NCKAP5: variants seen among roughly 807,000 people sequenced by gnomAD.
NCKAP5 encodes NCK associated protein 5.
In NCKAP5, 92 loss-of-function variants were observed where a neutral mutation model predicts 167.0. That is an observed-to-expected ratio of 0.55 (90% CI 0.47 to 0.66). The LOEUF is 0.66. Among genes scored for constraint, NCKAP5 ranks in the 30% least tolerant of loss-of-function variants. NCKAP5 has a pLI of 0.00. For synonymous variants in NCKAP5, 891 were observed against 877.4 expected (o/e 1.02, Z -0.27); for missense variants, 2,378 against 2,315.0 (o/e 1.03, Z -0.56).
At chr2:133,313,214 C>G (rs1681370539) in intron 3 of NCKAP5, among the ~76,000 whole-genome samples, 1 of 152,150 alleles carries the variant, frequency 6.6e-6, no homozygotes, top group Admixed American at 6.5e-5. Flanking sequence ...TGGGGGGAAT[C>G]TGGCTAGATG....
At chr2:132,887,137 A>C (rs1692290751) in intron 8 of NCKAP5, among the ~76,000 whole-genome samples, 1 of 152,156 alleles carries the variant, frequency 6.6e-6, no homozygotes, top group South Asian at 2.1e-4. Flanking sequence ...AGATATGTAA[A>C]TATCCAGAGT....
At chr2:133,477,900 C>A (rs1057289782) in intron 3 of NCKAP5, among the ~76,000 whole-genome samples, 2 of 152,246 alleles carry the variant, frequency 1.3e-5, no homozygotes, top group Admixed American at 1.3e-4. Context: ...CAATTTAAAA[C>A]CTATGAATTA....
the NCKAP5 span, among the ~76,000 whole-genome samples, chr2:133,671,563 C>A: frequency 6.6e-6 from 1 of 152,068 alleles, no homozygotes; most frequent in Non-Finnish European, 1.5e-5. Context: ...CATGTTCAGG[C>A]CCCTCACTGT....
intron 8 of NCKAP5, among the ~76,000 whole-genome samples, chr2:132,889,193 C>T (rs1429892295): frequency 1.3e-5 from 2 of 152,168 alleles, no homozygotes; most frequent in African/African-American, 2.4e-5. Flanking sequence ...ATCCTTTCAC[C>T]TCCCAACATC....
chr2:133,348,798 T>C (rs1454566431), intron 3 of NCKAP5, among the ~76,000 whole-genome samples: 1 of 152,212 alleles, frequency 6.6e-6, no homozygotes, highest in Non-Finnish European at 1.5e-5. Context: ...TTATCAAGAC[T>C]GTGACCTGCT....
At chr2:133,160,387 A>G (rs2083736734) in intron 5 of NCKAP5, among the ~76,000 whole-genome samples, 1 of 127,974 alleles carries the variant, frequency 7.8e-6, no homozygotes, top group African/African-American at 3.1e-5. Flanking sequence ...CAAAGACTCT[A>G]TTTCCCAATA....
the NCKAP5 span, among the ~76,000 whole-genome samples, chr2:133,643,077 G>A: frequency 2.0e-5 from 3 of 151,544 alleles, no homozygotes; most frequent in East Asian, 3.9e-4. Flanking sequence ...AATTTATTTT[G>A]TTGAAAGGCA....
intron 13 of NCKAP5, among the ~76,000 whole-genome samples, chr2:132,787,221 G>A (rs1164115304): frequency 6.6e-6 from 1 of 152,030 alleles, no homozygotes; most frequent in South Asian, 2.1e-4. Context: ...GTTGGCGGGT[G>A]CCTGTAATCC....
intron 8 of NCKAP5, among the ~76,000 whole-genome samples, chr2:132,957,952 C>T (rs2076391128): frequency 1.3e-5 from 2 of 152,154 alleles, no homozygotes; most frequent in Non-Finnish European, 2.9e-5. Flanking sequence ...TCTCTATACT[C>T]CGCTGAACCT....
At chr2:132,897,806 A>C (rs1693320880) in intron 8 of NCKAP5, among the ~76,000 whole-genome samples, 1 of 152,266 alleles carries the variant, frequency 6.6e-6, no homozygotes, top group Non-Finnish European at 1.5e-5. Flanking sequence ...TACACACCAT[A>C]ATTCAAAAAT....
intron 16 of NCKAP5, among the ~76,000 whole-genome samples, chr2:132,759,434 T>C (rs1164204485): frequency 1.3e-5 from 2 of 152,174 alleles, no homozygotes; most frequent in Non-Finnish European, 2.9e-5. Context: ...CACCTTTGTA[T>C]GTGTACCGAT....
At chr2:133,058,890 T>C (rs2079893251) in intron 6 of NCKAP5, among the ~76,000 whole-genome samples, 1 of 152,220 alleles carries the variant, frequency 6.6e-6, no homozygotes, top group Non-Finnish European at 1.5e-5. Flanking sequence ...GCAAACTTCA[T>C]TGATGAATTT....
intron 3 of NCKAP5, among the ~76,000 whole-genome samples, chr2:133,469,347 C>G (rs758239671): frequency 0.022 from 3,359 of 152,086 alleles, 64 homozygotes; most frequent in Non-Finnish European, 0.035. Flanking sequence ...CCCCCACTCT[C>G]TTCTGGCTTG....
intron 8 of NCKAP5, among the ~76,000 whole-genome samples, chr2:132,883,723 G>C (rs1313665003): frequency 1.3e-5 from 2 of 152,194 alleles, no homozygotes; most frequent in Non-Finnish European, 2.9e-5. Context: ...GCTGGCAGCA[G>C]GAGTTACATG....
chr2:132,843,237 T>G (rs894710742), intron 11 of NCKAP5, among the ~76,000 whole-genome samples: 1 of 152,144 alleles, frequency 6.6e-6, no homozygotes, highest in Non-Finnish European at 1.5e-5. Context: ...ATTCTTTATA[T>G]CTTTACGTTC....
At chr2:133,497,120 G>C (rs1321319509) in intron 3 of NCKAP5, among the ~76,000 whole-genome samples, 1 of 152,176 alleles carries the variant, frequency 6.6e-6, no homozygotes, top group Non-Finnish European at 1.5e-5. Context: ...TAGGGTTATA[G>C]AGCATATAAC....
rs1299604721 is a variant in NCKAP5 at position 133,361,595 on chromosome 2, G to T, written c.70-58485C>A. Among the ~76,000 whole-genome samples, 3 of 152,138 alleles carry T rather than the reference G, an allele frequency of 2.0e-5. 1 individual carries two copies. The South Asian group carries it at 6.2e-4, about 32-fold the overall frequency. On this transcript the variant is annotated intron_variant, in intron 3 of 19. Transcript: ENST00000409261. ...TGCTCTTGTTAAAAGTGAAGAAAAC[G>T]GACGTGAGCTTAATGGACAAATGGA...
the NCKAP5 span, among the ~76,000 whole-genome samples, chr2:133,625,561 C>T: frequency 6.6e-6 from 1 of 152,118 alleles, no homozygotes; most frequent in Non-Finnish European, 1.5e-5. Context: ...CAACATCCAG[C>T]TTGAAGAGGC....
chr2:132,758,864 C>T (rs1574103565), intron 16 of NCKAP5, among the ~76,000 whole-genome samples: 1 of 152,156 alleles, frequency 6.6e-6, no homozygotes, highest in Non-Finnish European at 1.5e-5. Flanking sequence ...ACTTCAAATA[C>T]AAGAATGCAT....
Sources: gnomAD v4.1 joint callset for allele counts (sites outside exome capture counted in the v4.1 genomes callset) on GRCh38, gnomAD v4.1.1 for gene constraint, MANE v1.5 for transcripts, NCBI Gene and HGNC (gene_info 2026-07-23, HGNC 2026-07-21) for gene names.